Variants in SHQ1 observed in about 807,000 individuals in gnomAD.
SHQ1 encodes SHQ1, H/ACA ribonucleoprotein assembly factor, also known as protein SHQ1 homolog.
Under a neutral mutation model 53.8 loss-of-function variants are expected in SHQ1, and 49 were observed. The observed-to-expected ratio is 0.91, with a 90% CI of 0.72 to 1.16. The LOEUF (loss-of-function observed/expected upper bound fraction) is 1.16, where lower values mean the gene tolerates loss of function less well. SHQ1 is among the 50% of genes most tolerant of loss of function. SHQ1 has a pLI of 0.00. For missense variants in SHQ1, 738 were observed against 683.1 expected (o/e 1.08, Z -0.90); for synonymous variants, 243 against 251.0 (o/e 0.97, Z 0.30).
intron 9 of SHQ1, among the ~76,000 whole-genome samples, chr3:72,805,087 A>G (rs542785144): frequency 1.3e-5 from 2 of 152,368 alleles, no homozygotes; most frequent in East Asian, 3.8e-4. Context: ...CACAATGCTA[A>G]GTATTTTTGT....
chr3:72,811,605 C>G (rs1336961076), intron 9 of SHQ1, among the ~76,000 whole-genome samples: 1 of 152,196 alleles, frequency 6.6e-6, no homozygotes, highest in African/African-American at 2.4e-5. Context: ...TTTCATCTAA[C>G]CATGATTCAT....
intron 9 of SHQ1, among the ~76,000 whole-genome samples, chr3:72,810,714 T>A (rs938995409): frequency 1.3e-5 from 2 of 152,166 alleles, no homozygotes; most frequent in Non-Finnish European, 2.9e-5. Context: ...TCAGCGGCAA[T>A]AATGGCATCC....
intron 6 of SHQ1, among the ~76,000 whole-genome samples, chr3:72,821,049 C>T (rs921754804): frequency 6.6e-6 from 1 of 152,204 alleles, no homozygotes; most frequent in African/African-American, 2.4e-5. Context: ...CAAAGGATCT[C>T]AATGCTCTCA....
chr3:72,778,105 A>T (rs927218693), intron 10 of SHQ1, among the ~76,000 whole-genome samples: 2 of 152,194 alleles, frequency 1.3e-5, no homozygotes, highest in African/African-American at 4.8e-5. Flanking sequence ...AAGTTAATAC[A>T]ATTGGGAATG....
chr3:72,738,953 AGGCCCT>A, the SHQ1 span, among the ~76,000 whole-genome samples: 1 of 152,274 alleles, frequency 6.6e-6, no homozygotes, highest in African/African-American at 2.4e-5. Flanking sequence ...TTCAGCCAGG[AGGCCCT>A]GCGCGGCTCC....
chr3:72,732,388 G>GCCTGCCTT, the SHQ1 span, among the ~76,000 whole-genome samples: 5 of 58,170 alleles, frequency 8.6e-5, no homozygotes, highest in African/African-American at 3.0e-4. Context: ...CTGCCTGCCT[G>GCCTGCCTT]CCTTCCTTCC....
At chr3:72,751,880 T>C (rs1705392254) in intron 10 of SHQ1, among the ~76,000 whole-genome samples, 1 of 152,102 alleles carries the variant, frequency 6.6e-6, no homozygotes, top group Non-Finnish European at 1.5e-5. Context: ...GGAAAATGTA[T>C]ATACCCTGGA....
rs1201961823 is a variant in SHQ1 at position 72,749,400 on chromosome 3, T to TA, written c.*883dup. On this transcript the variant is annotated 3_prime_UTR_variant, in exon 11 of 11. Transcript: ENST00000325599. ...AAGCAGTACTCAGCAATGAAAAACA[T>TA]AAAAACAAAAACTCGTGACACATGC... 8.8e-6 allele frequency: 2 copies of TA among 226,036 alleles called. No individual in the cohort carries two copies. Among genetic ancestry groups the TA allele is most frequent in the Non-Finnish European group, 8.8e-6 (1 of 113,496 alleles). 14.0% of individuals were successfully genotyped at this position (226,036 alleles called of 1,614,324 possible).
chr3:72,742,904 G>C, the SHQ1 span, among the ~76,000 whole-genome samples: 1 of 152,120 alleles, frequency 6.6e-6, no homozygotes, highest in East Asian at 1.9e-4. Context: ...CCAAAGTGCC[G>C]GGATTACAGG....
intron 4 of SHQ1, among the ~76,000 whole-genome samples, chr3:72,840,558 CT>C (rs1326291780): frequency 8.3e-5 from 10 of 119,938 alleles, no homozygotes; most frequent in African/African-American, 4.0e-4. Flanking sequence ...AAGACTCCGT[CT>C]CAAAAAAAAA....
At chr3:72,729,415 A>G in the SHQ1 span, among the ~76,000 whole-genome samples, 2 of 152,188 alleles carry the variant, frequency 1.3e-5, no homozygotes, top group Non-Finnish European at 2.9e-5. Context: ...CAGCCTCCTG[A>G]TCGACCAGTC....
intron 1 of SHQ1, among the ~76,000 whole-genome samples, chr3:72,846,980 T>C (rs1708353339): frequency 6.6e-6 from 1 of 152,328 alleles, no homozygotes; most frequent in East Asian, 1.9e-4. Flanking sequence ...CTGACCACTT[T>C]ATAAAACATG....
intron 10 of SHQ1, among the ~76,000 whole-genome samples, chr3:72,751,688 CAAATA>C (rs1298172846): frequency 6.6e-6 from 1 of 151,370 alleles, no homozygotes; most frequent in Non-Finnish European, 1.5e-5. Flanking sequence ...CAACTCCAGT[CAAATA>C]AGAGACATAC....
intron 10 of SHQ1, among the ~76,000 whole-genome samples, chr3:72,764,132 T>C (rs1285633457): frequency 1.3e-5 from 2 of 152,100 alleles, no homozygotes; most frequent in African/African-American, 4.8e-5. Flanking sequence ...CAAAATGCTA[T>C]GCTTTTACAC....
rs1491509394 is a variant in SHQ1 at position 72,763,063 on chromosome 3, A to ACACT, written c.1182-12228_1182-12227insAGTG. On this transcript the variant is annotated intron_variant, in intron 10 of 10. Transcript: ENST00000325599. ...CACACACACACACACACACACACAC[A>ACACT]GAGAGAGAGAGAGAGAGAGAGAGAA... Among the ~76,000 whole-genome samples the ACACT allele has an allele frequency of 6.0e-3, 532 of 88,048 alleles. 6 individuals carry two copies. The highest frequency in any genetic ancestry group is 0.02 in the African/African-American group (501 of 24,732). 57.8% of individuals were successfully genotyped at this position (88,048 alleles called of 152,430 possible).
intron 4 of SHQ1, among the ~76,000 whole-genome samples, chr3:72,837,863 TG>T (rs1708049356): frequency 6.6e-6 from 1 of 152,254 alleles, no homozygotes; most frequent in Non-Finnish European, 1.5e-5. Context: ...TAACCAATTA[TG>T]CAAGATTTCT....
chr3:72,815,919 A>T (rs1047446410), intron 7 of SHQ1, among the ~76,000 whole-genome samples: 5 of 152,226 alleles, frequency 3.3e-5, no homozygotes, highest in African/African-American at 1.2e-4. Flanking sequence ...ATACAAGAAT[A>T]AAAAATGGTA....
At chr3:72,835,393 A>G (rs974400416) in intron 4 of SHQ1, among the ~76,000 whole-genome samples, 10 of 152,066 alleles carry the variant, frequency 6.6e-5, no homozygotes, top group Admixed American at 3.3e-4. Context: ...CCTGTTACTC[A>G]CTGGCAAACT....
At chr3:72,845,405 C>T (rs1435621865) in intron 1 of SHQ1, among the ~76,000 whole-genome samples, 1 of 151,952 alleles carries the variant, frequency 6.6e-6, no homozygotes, top group East Asian at 1.9e-4. Flanking sequence ...ATCACTTGAA[C>T]CCAGGAAGGG....
Sources: gnomAD v4.1 joint callset for allele counts (sites outside exome capture counted in the v4.1 genomes callset) on GRCh38, gnomAD v4.1.1 for gene constraint, MANE v1.5 for transcripts, NCBI Gene and HGNC (gene_info 2026-07-23, HGNC 2026-07-21) for gene names.